Variants in FRMD5 observed in about 807,000 individuals in gnomAD.
The protein encoded by FRMD5 is FERM domain containing 5.
A neutral mutation model predicts 69.0 loss-of-function variants in FRMD5; 20 were observed. The ratio of observed to expected loss-of-function variants is 0.29; its 90% confidence interval spans 0.20 to 0.42. The LOEUF is 0.42. Among genes scored for constraint, FRMD5 ranks in the 10% least tolerant of loss-of-function variants. The pLI, the probability that FRMD5 is intolerant of heterozygous loss-of-function variation, is 1.00. For synonymous variants in FRMD5, 271 were observed against 260.1 expected (o/e 1.04, Z -0.40); for missense variants, 595 against 708.6 (o/e 0.84, Z 1.82).
intron 13 of FRMD5, among the ~76,000 whole-genome samples, chr15:43,878,777 C>T (rs1279681070): frequency 6.6e-6 from 1 of 152,150 alleles, no homozygotes; most frequent in East Asian, 1.9e-4. Flanking sequence ...CCTACGATTA[C>T]ACCCCTCAGC....
chr15:43,911,256 T>C (rs529772065), intron 4 of FRMD5, among the ~76,000 whole-genome samples: 1 of 152,372 alleles, frequency 6.6e-6, no homozygotes, highest in South Asian at 2.1e-4. Flanking sequence ...TCTCTGAGTA[T>C]GGCTTAGACT....
At chr15:43,884,930 C>T in intron 11 of FRMD5, 135 bp from the exon 12 acceptor site, 1 of 727,988 alleles carries the variant, frequency 1.4e-6, no homozygotes, top group Non-Finnish European at 2.3e-6. Context: ...ATGTTTTGGT[C>T]ATGGAGAAAG....
At chr15:44,187,745 T>C (rs544117912) in intron 1 of FRMD5, among the ~76,000 whole-genome samples, 4 of 152,196 alleles carry the variant, frequency 2.6e-5, no homozygotes, top group Non-Finnish European at 5.9e-5. Context: ...AATTTTAAAT[T>C]TTTTGTAGAG....
intron 13 of FRMD5, among the ~76,000 whole-genome samples, chr15:43,876,744 G>A (rs917455338): frequency 2.6e-5 from 4 of 152,182 alleles, no homozygotes; most frequent in Non-Finnish European, 4.4e-5. Context: ...TCTTCTTGAG[G>A]GGGCATGGGA....
chr15:44,117,871 A>G (rs984921282), intron 1 of FRMD5, among the ~76,000 whole-genome samples: 1 of 152,212 alleles, frequency 6.6e-6, no homozygotes, highest in African/African-American at 2.4e-5. Context: ...GCAGTTTTCA[A>G]TCACTAATAA....
intron 1 of FRMD5, among the ~76,000 whole-genome samples, chr15:44,124,234 C>T (rs2076994328): frequency 6.6e-6 from 1 of 151,926 alleles, no homozygotes; most frequent in Admixed American, 6.6e-5. Flanking sequence ...CTCAGGTGAT[C>T]TGCCCGCCTC....
chr15:44,151,794 G>T (rs963992073), intron 1 of FRMD5, among the ~76,000 whole-genome samples: 2 of 152,104 alleles, frequency 1.3e-5, no homozygotes, highest in Admixed American at 1.3e-4. Flanking sequence ...AATCAACAGA[G>T]TAAAAAGGCA....
chr15:44,129,732 C>T (rs2077072594), intron 1 of FRMD5, among the ~76,000 whole-genome samples: 1 of 152,038 alleles, frequency 6.6e-6, no homozygotes, highest in African/African-American at 2.4e-5. Context: ...ACAAAAATGA[C>T]CTAACTAGAG....
intron 1 of FRMD5, among the ~76,000 whole-genome samples, chr15:44,153,554 T>C (rs1461839306): frequency 6.6e-6 from 1 of 152,000 alleles, no homozygotes; most frequent in African/African-American, 2.4e-5. Context: ...GATAGGGAAA[T>C]GGGAAGTTAT....
Position 44,069,487 on chromosome 15 carries a change from T to C in FRMD5, c.102+125466A>G, listed in dbSNP as rs372823015. On this transcript the variant is annotated intron_variant, in intron 1 of 13. Transcript: ENST00000417257. ...TATACCATGGAATACTACTCAGCAA[T>C]AAAAAAAAAACTGTTGATACACTCA... Among the ~76,000 whole-genome samples the C allele has an allele frequency of 3.4e-5, 5 of 146,664 alleles. 1 individual carries two copies. The highest frequency in any genetic ancestry group is 9.9e-5 in the African/African-American group (4 of 40,246).
At position 44,008,903 on chromosome 15, in the gene FRMD5, G is replaced by A. The variant is rs145438657; in HGVS notation, c.103-84594C>T. Among the ~76,000 whole-genome samples, 1,121 of 152,202 alleles carry A rather than the reference G, an allele frequency of 7.4e-3. 9 individuals carry two copies. Among genetic ancestry groups the A allele is most frequent in the African/African-American group, 0.026 (1,066 of 41,520 alleles). On this transcript the variant is annotated intron_variant, in intron 1 of 13. Coordinates refer to ENST00000417257, the MANE Select transcript of FRMD5 (RefSeq NM_032892.5). Reference sequence around the variant, plus strand: ...ATGCCAGGTGTGGTGGCAGGCGCCTGTAGTCCCAGCTACTGGGGAGGCTGA... The same window carrying A: ...ATGCCAGGTGTGGTGGCAGGCGCCTATAGTCCCAGCTACTGGGGAGGCTGA...
At chr15:43,880,896 A>G (rs1033626575) in intron 13 of FRMD5, among the ~76,000 whole-genome samples, 4 of 152,184 alleles carry the variant, frequency 2.6e-5, no homozygotes. Context: ...TGCTGCTGCA[A>G]TGGGAGGAGG....
At chr15:43,920,517 C>G (rs2089475706) in intron 2 of FRMD5, among the ~76,000 whole-genome samples, 1 of 152,208 alleles carries the variant, frequency 6.6e-6, no homozygotes, top group Non-Finnish European at 1.5e-5. Context: ...AATACATTTT[C>G]CCATGGTACT....
chr15:43,972,128 C>T (rs903586048), intron 1 of FRMD5, among the ~76,000 whole-genome samples: 1 of 149,450 alleles, frequency 6.7e-6, no homozygotes, highest in Non-Finnish European at 1.5e-5. Context: ...GGTGCTTAAC[C>T]TCCAAAGAAA....
intron 1 of FRMD5, chr15:43,989,963 C>A: frequency 9.3e-7 from 1 of 1,073,728 alleles, no homozygotes. Flanking sequence ...GTGACAATGT[C>A]CTGCTTGATG....
intron 1 of FRMD5, among the ~76,000 whole-genome samples, chr15:44,026,219 G>C (rs946341398): frequency 2.0e-5 from 3 of 152,198 alleles, no homozygotes; most frequent in African/African-American, 7.2e-5. Context: ...GACCTCAAGT[G>C]ATCCACCCGC....
At chr15:43,880,517 CTG>C (rs2088495761) in intron 13 of FRMD5, among the ~76,000 whole-genome samples, 1 of 152,212 alleles carries the variant, frequency 6.6e-6, no homozygotes. Flanking sequence ...TTGGTAGCCC[CTG>C]TACTGATAAA....
chr15:43,945,649 T>TATTA (rs1422490938), intron 1 of FRMD5, among the ~76,000 whole-genome samples: 1 of 152,148 alleles, frequency 6.6e-6, no homozygotes, highest in Admixed American at 6.5e-5. Flanking sequence ...ACTGCATGCA[T>TATTA]CCCACTGTAA....
At chr15:44,064,056 G>A (rs138964246) in intron 1 of FRMD5, 169 of 214,252 alleles carry the variant, frequency 7.9e-4, no homozygotes, top group African/African-American at 3.7e-3. Context: ...ATGCCATCAC[G>A]GACACCCAGA....
Sources: allele counts gnomAD v4.1 joint callset (sites outside exome capture counted in the v4.1 genomes callset), GRCh38; gene constraint gnomAD v4.1.1; transcripts MANE v1.5; gene names NCBI Gene and HGNC (gene_info 2026-07-23, HGNC 2026-07-21).